Variants in IFT140 observed in about 807,000 individuals in gnomAD.
IFT140 encodes the protein intraflagellar transport protein 140 homolog.
IFT140 carries 133 observed loss-of-function variants against 164.6 expected under a neutral mutation model. That is an observed-to-expected ratio of 0.81 (90% CI 0.70 to 0.93). The LOEUF is 0.93. Ranked by LOEUF, IFT140 falls within the 40% of genes least tolerant of loss-of-function variation. The probability of loss-of-function intolerance (pLI) is 0.00; values close to 1 mark genes in which losing one functional copy is unlikely to be tolerated. For missense variants in IFT140, 2,045 were observed against 1,972.3 expected (o/e 1.04, Z -0.70); for synonymous variants, 860 against 817.3 (o/e 1.05, Z -0.89).
At chr16:1,541,118 A>C in intron 19 of IFT140, 1 of 985,382 alleles carries the variant, frequency 1.0e-6, no homozygotes, top group Non-Finnish European at 1.2e-6. Flanking sequence ...TCTGCCCCTG[A>C]CCACGCATCC....
intron 26 of IFT140, among the ~76,000 whole-genome samples, chr16:1,521,526 T>C (rs1194473550): frequency 2.6e-5 from 4 of 152,016 alleles, no homozygotes; most frequent in Non-Finnish European, 4.4e-5. Context: ...GTAGCTGGGA[T>C]TACAGGCGCC....
At position 1,564,239 on chromosome 16, in the gene IFT140, C is replaced by G. The variant is rs11248883; in HGVS notation, c.1902-77G>C. On this transcript the variant is annotated intron_variant, in intron 16 of 30. Coordinates refer to ENST00000426508, the MANE Select transcript of IFT140 (RefSeq NM_014714.4). The surrounding 1 kb of genome is among the most constrained non-coding windows in gnomAD (Gnocchi z 5.5). Reference sequence around the variant, plus strand: ...CCAGTCTCCCTCCCACACACATTCCCGAAGCCTCCAGGTGCTGTCCCAGAC... The same window carrying G: ...CCAGTCTCCCTCCCACACACATTCCGGAAGCCTCCAGGTGCTGTCCCAGAC... The G allele has an allele frequency of 0.052, 69,408 of 1,340,858 alleles. 2,865 individuals are homozygous for G. The highest frequency in any genetic ancestry group is 0.22 in the Admixed American group (8,764 of 39,872). 83.1% of individuals were successfully genotyped at this position (1,340,858 alleles called of 1,614,324 possible). A position where few individuals can be genotyped will look rare whatever the true frequency, so the allele number is the denominator to read the frequency against.
Position 1,520,948 on chromosome 16 carries a change from G to A in IFT140, c.3454-140C>T, listed in dbSNP as rs2040509587. On this transcript the variant is annotated intron_variant, in intron 26 of 30. Coordinates refer to ENST00000426508, the MANE Select transcript of IFT140 (RefSeq NM_014714.4). ...GTCTAGCTGGGGTGGGTATGGAGGGGACAAGGATGTCTCCCCTGCCTCACC... is the reference window on the plus strand; with the variant it reads ...GTCTAGCTGGGGTGGGTATGGAGGGAACAAGGATGTCTCCCCTGCCTCACC... 2.2e-5 allele frequency: 15 copies of A among 670,840 alleles called. No individual in the cohort carries two copies. In the South Asian group the frequency reaches 2.3e-4, roughly 11 times the overall value. The allele number at this position is 670,840 out of a possible 1,614,324, so 41.6% of individuals were successfully genotyped here. A position where few individuals can be genotyped will look rare whatever the true frequency, so the allele number is the denominator to read the frequency against.
chr16:1,540,110 C>T lies in IFT140; in HGVS notation c.2400-13314G>A, dbSNP rs548395582. Among the ~76,000 whole-genome samples the T allele has an allele frequency of 4.7e-4, 72 of 152,292 alleles. 2 individuals are homozygous for T. The South Asian group carries it at 0.011, about 22-fold the overall frequency. The stretch of plus-strand genomic sequence containing the variant: ...GAGGAGCAGTGTGCCTCCAGGGATG[C>T]TGGGACGCCGAAAGCCTAGACTGAG... On this transcript the variant is annotated intron_variant, in intron 19 of 30. Coordinates refer to ENST00000426508, the MANE Select transcript of IFT140 (RefSeq NM_014714.4).
At chr16:1,599,448 C>T (rs1596455426) in intron 4 of IFT140, among the ~76,000 whole-genome samples, 1 of 54,116 alleles carries the variant, frequency 1.8e-5, no homozygotes, top group Non-Finnish European at 3.5e-5. Flanking sequence ...GCCTGGCCAG[C>T]CGTGCCGTCC....
At chr16:1,556,537 C>G (rs552600084) in intron 19 of IFT140, among the ~76,000 whole-genome samples, 34 of 152,372 alleles carry the variant, frequency 2.2e-4, no homozygotes, top group Non-Finnish European at 3.1e-4. Context: ...TTCTGGCCTT[C>G]TAGCGAGTTG....
In IFT140 at chr16:1,584,418, C is replaced by T. The variant is rs2034756005; in HGVS notation, c.1158G>A (p.Trp386Ter). Residue 386 changes from tryptophan (W) to a stop codon, truncating the protein, a stop_gained and splice_region_variant, in exon 11 of 31, where the codon TGG becomes TGA. Coordinates refer to ENST00000426508, the MANE Select transcript of IFT140 (RefSeq NM_014714.4). LOFTEE classifies it high-confidence loss of function. ...ELQGNITQIQ[W>*]GSRKNLLAVN... ...CTGCCAGCAGGTTCTTCCTGGAACC[C>T]CACTTCATTTCCAGGTTGCAAGAGA... The T allele has an allele frequency of 6.2e-7, 1 of 1,602,684 alleles. No homozygotes were observed. The highest frequency in any genetic ancestry group is 8.5e-7 in the Non-Finnish European group (1 of 1,175,578).
chr16:1,554,936 C>T, intron 19 of IFT140: 1 of 1,614,174 alleles, frequency 6.2e-7, no homozygotes. Flanking sequence ...GGGAGGACTG[C>T]ATGGCCCCCC....
intron 19 of IFT140, among the ~76,000 whole-genome samples, chr16:1,547,768 TCAGGTGATCCA>T (rs2032295672): frequency 6.6e-6 from 1 of 152,176 alleles, no homozygotes. Flanking sequence ...GCTTCTGACC[TCAGGTGATCCA>T]CCCACCTTGG....
In IFT140 at chr16:1,592,172, T is replaced by A; in HGVS notation, c.634+4A>T. The A allele has an allele frequency of 6.2e-7, 1 of 1,614,052 alleles. No individual in the cohort carries two copies. Among genetic ancestry groups the A allele is most frequent in the Non-Finnish European group, 8.5e-7 (1 of 1,180,014 alleles). On this transcript the variant is annotated splice_donor_region_variant and intron_variant, in intron 6 of 30. Transcript: ENST00000426508. ...CCCTGAGAATCACAACCAAAGTTCCTCACCGTCCATCAGACTGACAAAGAA... is the reference window on the plus strand; with the variant it reads ...CCCTGAGAATCACAACCAAAGTTCCACACCGTCCATCAGACTGACAAAGAA...
intron 27 of IFT140, 86 bp from the exon 28 acceptor site, chr16:1,520,429 A>C (rs755835690): frequency 6.9e-7 from 1 of 1,458,170 alleles, no homozygotes; most frequent in Admixed American, 1.7e-5. Context: ...TCTCACAAGA[A>C]GAGTGGCTCA....
rs548686594 is a variant in IFT140, at chr16:1,590,690, G to A, written c.635-910C>T. On this transcript the variant is annotated intron_variant, in intron 6 of 30. Transcript: ENST00000426508. The stretch of plus-strand genomic sequence containing the variant: ...AGGCTCATTTTTGCTGCTCTGTGGA[G>A]ACTCCTCTGGGAGCCTTCTCACCTG... Among the ~76,000 whole-genome samples, 3 of 152,278 alleles carry A rather than the reference G, an allele frequency of 2.0e-5. No individual in the cohort carries two copies. The East Asian group carries it at 5.8e-4, about 29-fold the overall frequency.
At chr16:1,604,433 G>A (rs1567431535) in intron 3 of IFT140, 1 of 152,360 alleles carries the variant, frequency 6.6e-6, no homozygotes, top group Non-Finnish European at 1.5e-5. Context: ...GCATGTGCAG[G>A]GCTGGAAGGC....
intron 19 of IFT140, chr16:1,542,045 G>T: frequency 6.2e-7 from 1 of 1,610,500 alleles, no homozygotes; most frequent in South Asian, 1.1e-5. Context: ...CGTGCTGGGA[G>T]GAGGCCATGG....
At chr16:1,526,369 G>T in intron 20 of IFT140, 1 of 589,598 alleles carries the variant, frequency 1.7e-6, no homozygotes, top group Non-Finnish European at 3.0e-6. Context: ...TGACCTGGGG[G>T]TCTCTCGGGC....
intron 19 of IFT140, among the ~76,000 whole-genome samples, chr16:1,542,455 G>A (rs2031742272): frequency 6.6e-6 from 1 of 152,232 alleles, no homozygotes. Context: ...TGAGGCAGCT[G>A]GTGGGGAGCA....
intron 26 of IFT140, among the ~76,000 whole-genome samples, chr16:1,521,467 C>A (rs2040524413): frequency 6.6e-6 from 1 of 152,180 alleles, no homozygotes. Flanking sequence ...TGGCTCACTG[C>A]AACCTCCACC....
At chr16:1,513,179 G>C (rs780573535) in intron 30 of IFT140, 1 of 152,132 alleles carries the variant, frequency 6.6e-6, no homozygotes, top group African/African-American at 2.4e-5. Context: ...TCTCTATGTT[G>C]GCTACAACAG....
intron 9 of IFT140, 136 bp downstream of exon 9, chr16:1,587,062 G>A (rs1416389828): frequency 2.1e-5 from 14 of 661,130 alleles, no homozygotes; most frequent in Non-Finnish European, 2.1e-5. Context: ...GCCCTTGCCC[G>A]ACTATTTGAA....
Sources: allele counts gnomAD v4.1 joint callset (sites outside exome capture counted in the v4.1 genomes callset), GRCh38; gene constraint gnomAD v4.1.1; non-coding constraint Gnocchi (gnomAD v3.1); transcripts MANE v1.5; gene names NCBI Gene and HGNC (gene_info 2026-07-23, HGNC 2026-07-21).